Variants in SLC19A1 observed in about 807,000 individuals in gnomAD.
The protein encoded by SLC19A1 is reduced folate transporter.
In SLC19A1, 37 loss-of-function variants were observed where a neutral mutation model predicts 35.3. That is an observed-to-expected ratio of 1.05 (90% CI 0.81 to 1.38). The LOEUF (loss-of-function observed/expected upper bound fraction) is 1.38, where lower values mean the gene tolerates loss of function less well. SLC19A1 is among the 40% of genes most tolerant of loss of function. The probability of loss-of-function intolerance (pLI) is 0.00; values close to 1 mark genes in which losing one functional copy is unlikely to be tolerated. For missense variants in SLC19A1, 831 were observed against 826.9 expected, an observed-to-expected ratio of 1.00 and a Z score of -0.06; for synonymous variants, 460 against 398.5, an observed-to-expected ratio of 1.15 and a Z score of -1.84.
chr21:45,553,647 CCCCCCGCGCCCCCTTCCCAGT>C (rs1569029987), intron 1 of SLC19A1, among the ~76,000 whole-genome samples: 1 of 47,580 alleles, frequency 2.1e-5, no homozygotes, highest in African/African-American at 1.1e-4. Context: ...CCCTCCTAGT[CCCCCCGCGCCCCCTTCCCAGT>C]CCCCCACACC....
intron 2 of SLC19A1, among the ~76,000 whole-genome samples, chr21:45,535,734 G>A (rs541105442): frequency 3.9e-5 from 6 of 152,202 alleles, no homozygotes; most frequent in Non-Finnish European, 7.3e-5. Flanking sequence ...GGGAGAAGCC[G>A]GAATCCCCTA....
At position 45,552,995 on chromosome 21, in the gene SLC19A1, C is replaced by G. The variant is rs935303116; in HGVS notation, c.-50+9747G>C. Among the ~76,000 whole-genome samples, 3 of 152,084 alleles carry G rather than the reference C, an allele frequency of 2.0e-5. No individual in the cohort carries two copies. The South Asian group carries it at 6.2e-4, about 32-fold the overall frequency. On this transcript the variant is annotated intron_variant, in intron 1 of 5. Coordinates refer to the SLC19A1 transcript ENST00000650808. Reference sequence around the variant, plus strand: ...CCATGTGCTCACTTTTACACAAGACCTCGCGCAATGGAAGCTCTTCCTCCT... The same window carrying G: ...CCATGTGCTCACTTTTACACAAGACGTCGCGCAATGGAAGCTCTTCCTCCT...
rs1313693578 is a variant in SLC19A1, at chr21:45,505,307, A to G, written c.498-6695T>C. 5 of 1,601,068 alleles carry G rather than the reference A, an allele frequency of 3.1e-6. No homozygotes were observed. The East Asian group carries it at 8.9e-5, about 29-fold the overall frequency. ...AGTCAGTGGGGAGTGGGCCCCGGGCAGAGGCCGCCTCGTGTGGCTTCGTGT... is the reference window on the plus strand; with the variant it reads ...AGTCAGTGGGGAGTGGGCCCCGGGCGGAGGCCGCCTCGTGTGGCTTCGTGT... On this transcript the variant is annotated intron_variant, in intron 3 of 4. Transcript: ENST00000417954.
chr21:45,507,654 G>A (rs2037301887), downstream of SLC19A1: 2 of 1,500,158 alleles, frequency 1.3e-6, no homozygotes, highest in Admixed American at 3.5e-5. Context: ...GGTATGTGCT[G>A]TCCCCTGTTT....
chr21:45,517,037 G>A lies in SLC19A1; in HGVS notation c.1294-897C>T, dbSNP rs2037982789. Among the ~76,000 whole-genome samples the A allele has an allele frequency of 6.6e-6, 1 of 152,170 alleles. No homozygotes were observed. The highest frequency in any genetic ancestry group is 1.5e-5 in the Non-Finnish European group (1 of 68,022). ...AGGAGCGAGGAGGACAGACTGACCAGGCCCTCGGGGTCTGGGGAGCTGTGC... is the reference window on the plus strand; with the variant it reads ...AGGAGCGAGGAGGACAGACTGACCAAGCCCTCGGGGTCTGGGGAGCTGTGC... On this transcript the variant is annotated intron_variant, in intron 5 of 5. Transcript: ENST00000311124. This position sits in a 1 kb window ranked among gnomAD's most constrained non-coding sequence, Gnocchi z 4.4.
At chr21:45,562,311 C>G (rs568200567) in intron 1 of SLC19A1, among the ~76,000 whole-genome samples, 2 of 152,280 alleles carry the variant, frequency 1.3e-5, no homozygotes, top group Non-Finnish European at 2.9e-5. Flanking sequence ...ACACCACACG[C>G]ATTCACCACA....
rs762641228 is a variant in SLC19A1, at chr21:45,530,976, G to A, written c.950-5C>T. The A allele has an allele frequency of 6.9e-7, 1 of 1,442,456 alleles. No individual in the cohort carries two copies. Among genetic ancestry groups the A allele is most frequent in the Middle Eastern group, 1.9e-4 (1 of 5,320 alleles). 89.4% of individuals were successfully genotyped at this position (1,442,456 alleles called of 1,614,324 possible). On this transcript the variant is annotated splice_polypyrimidine_tract_variant and splice_region_variant and intron_variant, in intron 3 of 5. Coordinates refer to ENST00000311124, the MANE Select transcript of SLC19A1 (RefSeq NM_194255.4). This position sits in a 1 kb window ranked among gnomAD's most constrained non-coding sequence, Gnocchi z 5.3. ...CGGCGAAGGACGTGATGGCGCCTGAGAGGGGAGGGATGGGGCGTTGCAGCG... is the reference window on the plus strand; with the variant it reads ...CGGCGAAGGACGTGATGGCGCCTGAAAGGGGAGGGATGGGGCGTTGCAGCG...
intron 1 of SLC19A1, among the ~76,000 whole-genome samples, chr21:45,559,280 G>A (rs934258609): frequency 2.0e-5 from 3 of 152,172 alleles, no homozygotes; most frequent in African/African-American, 4.8e-5. Context: ...ACATCGCAAC[G>A]TTGAGGCCGG....
At chr21:45,535,234 G>T (rs541740864) in intron 2 of SLC19A1, among the ~76,000 whole-genome samples, 2 of 152,230 alleles carry the variant, frequency 1.3e-5, no homozygotes, top group Non-Finnish European at 2.9e-5. Flanking sequence ...TCCAGCGGGG[G>T]CCCAGGCAAC....
chr21:45,506,385 C>T (rs1195775739), intron 3 of SLC19A1: 3 of 335,310 alleles, frequency 8.9e-6, no homozygotes, highest in African/African-American at 2.1e-5. Context: ...CTGCACCCCG[C>T]GTTATAAACA....
At chr21:45,541,751 G>C (rs1024867038) in intron 1 of SLC19A1, 1 of 152,246 alleles carries the variant, frequency 6.6e-6, no homozygotes, top group African/African-American at 2.4e-5. Context: ...ATGTGCCAGG[G>C]GCCCGCCCCA....
At position 45,533,285 on chromosome 21, in the gene SLC19A1, AGC is replaced by A. The variant is rs2077996930; in HGVS notation, c.190-1139_190-1138del. 1.4e-4 allele frequency among the ~76,000 whole-genome samples: 5 copies of A among 36,324 alleles called. No homozygotes were observed. Among genetic ancestry groups the A allele is most frequent in the South Asian group, 1.3e-3 (1 of 768 alleles). The allele number at this position is 36,324 out of a possible 152,430, so 23.8% of individuals were successfully genotyped here. Reference sequence around the variant, plus strand: ...ACATCCACCTTCCATGGGAACGTGGAGCTGGGCACGGGGCTGGGGGTGCTACC... The same window carrying A: ...ACATCCACCTTCCATGGGAACGTGGATGGGCACGGGGCTGGGGGTGCTACC... On this transcript the variant is annotated intron_variant, in intron 2 of 5. Transcript: ENST00000311124. The surrounding 1 kb of genome is among the most constrained non-coding windows in gnomAD (Gnocchi z 4.5).
upstream of SLC19A1, among the ~76,000 whole-genome samples, chr21:45,547,203 G>A (rs982039049): frequency 6.6e-6 from 1 of 152,192 alleles, no homozygotes; most frequent in African/African-American, 2.4e-5. Context: ...ACCGAAAGCT[G>A]CAGAACATTA....
chr21:45,516,164 C>A, intron 5 of SLC19A1, 24 bp from the exon 6 acceptor site: 1 of 1,190,740 alleles, frequency 8.4e-7, no homozygotes, highest in Non-Finnish European at 1.2e-6. Flanking sequence ...CCGGGTGAGG[C>A]GGGTGGGGAG....
Position 45,515,458 on chromosome 21 carries a change from G to C in SLC19A1, c.*200C>G. ...GCCCGCGGGGCACAGTGCAGGGACA[G>C]CATGGCCAGGCAGCTGCCCTGAGTG... is the stretch of plus-strand genomic sequence containing the variant. On this transcript the variant is annotated 3_prime_UTR_variant, in exon 6 of 6. Coordinates refer to ENST00000311124, the MANE Select transcript of SLC19A1 (RefSeq NM_194255.4). The C allele has an allele frequency of 6.8e-7, 1 of 1,481,140 alleles. No individual in the cohort carries two copies. Among genetic ancestry groups the C allele is most frequent in the Non-Finnish European group, 8.9e-7 (1 of 1,127,524 alleles). 91.7% of individuals were successfully genotyped at this position (1,481,140 alleles called of 1,614,324 possible).
At chr21:45,548,554 G>C (rs2146483837), upstream of SLC19A1, among the ~76,000 whole-genome samples, 1 of 152,228 alleles carries the variant, frequency 6.6e-6, no homozygotes, top group Non-Finnish European at 1.5e-5. Flanking sequence ...GACCAGCCTG[G>C]CCAACATGGT....
At chr21:45,522,106 C>T (rs1444281473) in intron 5 of SLC19A1, among the ~76,000 whole-genome samples, 1 of 151,834 alleles carries the variant, frequency 6.6e-6, no homozygotes, top group East Asian at 1.9e-4. Flanking sequence ...ATCTGGAATA[C>T]ACAAACCATG....
chr21:45,505,383 C>A (rs749507428), intron 3 of SLC19A1: 1 of 1,585,056 alleles, frequency 6.3e-7, no homozygotes, highest in East Asian at 2.2e-5. Context: ...GCCCTCCGGG[C>A]CCCCCTGGGC....
downstream of SLC19A1, among the ~76,000 whole-genome samples, chr21:45,508,594 CCTT>C (rs1200831761): frequency 6.6e-6 from 1 of 151,936 alleles, no homozygotes; most frequent in Non-Finnish European, 1.5e-5. Context: ...GTCGGCCCCT[CCTT>C]GAGTAGAGGT....
Sources: allele counts gnomAD v4.1 joint callset (sites outside exome capture counted in the v4.1 genomes callset), GRCh38; gene constraint gnomAD v4.1.1; non-coding constraint Gnocchi (gnomAD v3.1); transcripts MANE v1.5; gene names NCBI Gene and HGNC (gene_info 2026-07-23, HGNC 2026-07-21).